The following THUMPD2 variants were observed in gnomAD, a reference collection of about 807,000 sequenced individuals.
THUMPD2 encodes THUMP domain 2 tRNA and snRNA guanosine methyltransferase, also known as U6 snRNA (guanine-N(2))-methyltransferase THUMPD2.
A neutral mutation model predicts 49.4 loss-of-function variants in THUMPD2; 56 were observed. The observed-to-expected ratio is 1.13, with a 90% CI of 0.91 to 1.41. The LOEUF (loss-of-function observed/expected upper bound fraction) is 1.41, where lower values mean the gene tolerates loss of function less well. Among genes scored for constraint, THUMPD2 ranks in the 40% most tolerant of loss-of-function variants. The pLI, the probability that THUMPD2 is intolerant of heterozygous loss-of-function variation, is 0.00. For synonymous variants in THUMPD2, 237 were observed against 205.2 expected (o/e 1.15, Z -1.32); for missense variants, 709 against 594.5 (o/e 1.19, Z -2.00).
chr2:39,769,613 A>T, intron 3 of THUMPD2, 97 bp downstream of exon 3: 1 of 1,277,772 alleles, frequency 7.8e-7, no homozygotes, highest in Non-Finnish European at 1.0e-6. Flanking sequence ...GAGGCAAAAG[A>T]ATCACCTGAA....
intron 4 of THUMPD2, among the ~76,000 whole-genome samples, chr2:39,767,563 C>T (rs1202895719): frequency 3.1e-5 from 4 of 128,832 alleles, no homozygotes; most frequent in African/African-American, 1.2e-4. Context: ...GAGATCCCGC[C>T]ACTGCACTCC....
chr2:39,741,849 G>A (rs1673933703), intron 9 of THUMPD2, among the ~76,000 whole-genome samples: 1 of 151,898 alleles, frequency 6.6e-6, no homozygotes, highest in Admixed American at 6.6e-5. Context: ...TAAACTATCA[G>A]TAAACCATTG....
At chr2:39,745,155 C>T (rs1484721266) in intron 8 of THUMPD2, among the ~76,000 whole-genome samples, 1 of 152,158 alleles carries the variant, frequency 6.6e-6, no homozygotes, top group Non-Finnish European at 1.5e-5. Flanking sequence ...TTTTACTTCT[C>T]ATCCATCTCC....
intron 5 of THUMPD2, among the ~76,000 whole-genome samples, chr2:39,763,655 T>C (rs1267138989): frequency 6.6e-6 from 1 of 152,140 alleles, no homozygotes; most frequent in Non-Finnish European, 1.5e-5. Context: ...TCCTTCTCTC[T>C]TTTTATTTCC....
At chr2:39,754,869 G>C (rs1263573129) in intron 8 of THUMPD2, among the ~76,000 whole-genome samples, 2 of 152,118 alleles carry the variant, frequency 1.3e-5, no homozygotes, top group East Asian at 3.8e-4. Flanking sequence ...TTACTCCTGT[G>C]TATCTCACGG....
At chr2:39,757,713 AC>A (rs1445378429) in intron 6 of THUMPD2, among the ~76,000 whole-genome samples, 2 of 152,250 alleles carry the variant, frequency 1.3e-5, no homozygotes, top group African/African-American at 4.8e-5. Flanking sequence ...ACTTACAACA[AC>A]AATTAAGATT....
intron 6 of THUMPD2, 135 bp downstream of exon 6, chr2:39,761,196 A>G (rs1676776976): frequency 5.5e-6 from 4 of 733,414 alleles, no homozygotes; most frequent in African/African-American, 5.3e-5. Flanking sequence ...GTACAATGGC[A>G]AAAAGAAAAG....
intron 2 of THUMPD2, 106 bp from the exon 3 acceptor site, chr2:39,770,225 A>G: frequency 2.7e-6 from 2 of 745,256 alleles, no homozygotes; most frequent in Admixed American, 3.9e-5. Flanking sequence ...ATTAAGTTTT[A>G]TTAAATTGCT....
chr2:39,757,329 C>T (rs1335909641), intron 6 of THUMPD2: 1 of 1,192,910 alleles, frequency 8.4e-7, no homozygotes, highest in South Asian at 1.3e-5. Context: ...AAGCAGAGTC[C>T]TCAGTGCACA....
intron 5 of THUMPD2, 63 bp from the exon 6 acceptor site, chr2:39,761,481 T>C: frequency 7.0e-7 from 1 of 1,433,000 alleles, no homozygotes. Flanking sequence ...TAAAAATGAT[T>C]TACCTGTCCA....
intron 6 of THUMPD2, among the ~76,000 whole-genome samples, chr2:39,758,804 G>A (rs1407403550): frequency 6.6e-6 from 1 of 150,600 alleles, no homozygotes; most frequent in Non-Finnish European, 1.5e-5. Flanking sequence ...AAAAAAAGGA[G>A]GAGGTCCCTC....
intron 8 of THUMPD2, among the ~76,000 whole-genome samples, chr2:39,752,928 G>A (rs935773600): frequency 2.0e-5 from 3 of 152,090 alleles, no homozygotes; most frequent in Non-Finnish European, 4.4e-5. Context: ...CCTGCTCCTA[G>A]AAGTGCATGC....
chr2:39,768,735 T>C (rs1677884033), intron 3 of THUMPD2: 2 of 703,932 alleles, frequency 2.8e-6, no homozygotes, highest in Admixed American at 2.9e-5. Context: ...TACTCATGCA[T>C]AATCTCTATC....
intron 9 of THUMPD2, among the ~76,000 whole-genome samples, chr2:39,743,737 C>A (rs77646551): frequency 0.027 from 4,181 of 152,230 alleles, 185 homozygotes; most frequent in African/African-American, 0.095. Context: ...CAGCCTGGGG[C>A]CCTCATCACA....
chr2:39,756,305 T>C (rs1176483906), intron 6 of THUMPD2, among the ~76,000 whole-genome samples: 2 of 151,946 alleles, frequency 1.3e-5, no homozygotes, highest in African/African-American at 4.8e-5. Flanking sequence ...GGTATGCTGG[T>C]AGACTTGGTG....
chr2:39,760,585 AAGAG>A (rs1676691977), intron 6 of THUMPD2, among the ~76,000 whole-genome samples: 1 of 152,180 alleles, frequency 6.6e-6, no homozygotes, highest in Non-Finnish European at 1.5e-5. Context: ...CTCTCACTGA[AAGAG>A]AGACCATCAG....
At chr2:39,738,369 C>A (rs1389989875) in intron 9 of THUMPD2, among the ~76,000 whole-genome samples, 1 of 151,966 alleles carries the variant, frequency 6.6e-6, no homozygotes, top group Non-Finnish European at 1.5e-5. Flanking sequence ...TTGAGACCAG[C>A]CTGGGCAACA....
intron 5 of THUMPD2, among the ~76,000 whole-genome samples, 179 bp downstream of exon 5, chr2:39,765,878 T>C (rs1312168361): frequency 3.3e-5 from 5 of 152,220 alleles, no homozygotes; most frequent in African/African-American, 7.2e-5. Context: ...ACTGGTCAGT[T>C]CAAATCATAT....
intron 9 of THUMPD2, among the ~76,000 whole-genome samples, chr2:39,739,284 C>T (rs1314700997): frequency 6.6e-6 from 1 of 152,182 alleles, no homozygotes; most frequent in Non-Finnish European, 1.5e-5. Flanking sequence ...TGCCTGCTTT[C>T]TTTGCTTACT....
Sources: allele counts gnomAD v4.1 joint callset (sites outside exome capture counted in the v4.1 genomes callset), GRCh38; gene constraint gnomAD v4.1.1; transcripts MANE v1.5; gene names NCBI Gene and HGNC (gene_info 2026-07-23, HGNC 2026-07-21).